Variants in WRAP73 observed in about 807,000 individuals in gnomAD.
WRAP73 encodes the protein WD repeat-containing protein WRAP73.
In WRAP73, 55 loss-of-function variants were observed where a neutral mutation model predicts 59.6. The ratio of observed to expected loss-of-function variants is 0.92; its 90% CI spans 0.74 to 1.15. The LOEUF (loss-of-function observed/expected upper bound fraction) is 1.15. WRAP73 is among the 50% of genes most tolerant of loss of function. The pLI is 0.00. For synonymous variants in WRAP73, 265 were observed against 258.2 expected (o/e 1.03, Z -0.25); for missense variants, 592 against 608.1 (o/e 0.97, Z 0.28).
chr1:3,631,535 A>T lies in WRAP73; in HGVS notation c.1171T>A (p.Cys391Ser). The change falls in exon 11 of 12, where the codon TGC becomes AGC. Residue 391 changes from cysteine (C) to serine (S), a missense_variant. By Grantham distance (112) the Cys-to-Ser change is moderately radical (BLOSUM62 -1). Coordinates refer to ENST00000270708, the MANE Select transcript of WRAP73 (RefSeq NM_017818.4). ...WDPQQPRLAICTGGSRLYLWS... is the reference protein window; with the variant it reads ...WDPQQPRLAISTGGSRLYLWS... ...AGGTAGAGCCTGCTGCCTCCCGTGCAGATGGCCAGCCGCGGCTGCTGCGGG... is the reference window on the plus strand; with the variant it reads ...AGGTAGAGCCTGCTGCCTCCCGTGCTGATGGCCAGCCGCGGCTGCTGCGGG... 6.2e-7 allele frequency: 1 copy of T among 1,610,994 alleles called. No individual in the cohort carries two copies. Among genetic ancestry groups the T allele is most frequent in the Non-Finnish European group, 8.5e-7 (1 of 1,179,280 alleles).
At chr1:3,636,728 C>T (rs1256186137) in intron 5 of WRAP73, 1 of 495,786 alleles carries the variant, frequency 2.0e-6, no homozygotes, top group Admixed American at 2.6e-5. Flanking sequence ...CATGCGCAAA[C>T]ACCATCACAC....
rs1482767614 is a variant in WRAP73 at position 3,647,519 on chromosome 1, G to C, written c.111C>G (p.Asn37Lys). 6.2e-7 allele frequency: 1 copy of C among 1,613,900 alleles called. No individual in the cohort carries two copies. The highest frequency in any genetic ancestry group is 1.1e-5 in the South Asian group (1 of 91,076). Residue 37 changes from asparagine (N) to lysine (K), a missense_variant, in exon 2 of 12, where the codon AAC becomes AAG. Transcript: ENST00000270708. The stretch of plus-strand genomic sequence containing the variant: ...TGTACAGCTGAAGGATCTGAAGGGT[G>C]TTCACATCCCGGACCACTAACCGGT... ...VQYRLVVRDV[N>K]TLQILQLYTC...
Position 3,631,671 on chromosome 1 carries a change from G to C in WRAP73, c.1049-14C>G. 1 of 1,581,592 alleles carries C rather than the reference G, an allele frequency of 6.3e-7. No individual in the cohort carries two copies. The highest frequency in any genetic ancestry group is 1.1e-5 in the South Asian group (1 of 88,896). Reference sequence around the variant, plus strand: ...TGGGAATGTTGTCTGAGGAAGGAAGGACAGGGCACCGGTGTCATCCCTGCC... The same window carrying C: ...TGGGAATGTTGTCTGAGGAAGGAAGCACAGGGCACCGGTGTCATCCCTGCC... On this transcript the variant is annotated splice_polypyrimidine_tract_variant and intron_variant, in intron 10 of 11. Coordinates refer to ENST00000270708, the MANE Select transcript of WRAP73 (RefSeq NM_017818.4).
rs1557453673 is a variant in WRAP73, at chr1:3,632,320, G to GAACACCT, written c.940_941insAGGTGTT (p.Pro314GlnfsTer28). ...AGGTTTCAGTGTCTGTAAGGAGACT[G>GAACACCT]GGACAGAGGCGATCTCATCTAGAAC... On this transcript the variant is annotated frameshift_variant, in exon 10 of 12. Transcript: ENST00000270708. LOFTEE classifies it high-confidence loss of function. 6.2e-7 allele frequency: 1 copy of GAACACCT among 1,614,176 alleles called. No individual in the cohort carries two copies. Among genetic ancestry groups the GAACACCT allele is most frequent in the East Asian group, 2.2e-5 (1 of 44,882 alleles).
In WRAP73 at chr1:3,630,834, C is replaced by T. The variant is rs923909045; in HGVS notation, c.*141G>A. ...TACAGTTTTATACCATACATATTTA[C>T]AAAAATGCTTTGCTATAGAAAAATA... On this transcript the variant is annotated 3_prime_UTR_variant, in exon 12 of 12. Coordinates refer to ENST00000270708, the MANE Select transcript of WRAP73 (RefSeq NM_017818.4). 8.8e-7 allele frequency: 1 copy of T among 1,133,590 alleles called. No individual in the cohort carries two copies. Among genetic ancestry groups the T allele is most frequent in the Non-Finnish European group, 1.2e-6 (1 of 801,588 alleles). The allele number at this position is 1,133,590 out of a possible 1,614,324, so 70.2% of individuals were successfully genotyped here.
Position 3,630,932 on chromosome 1 carries a change from AAC to A in WRAP73, c.*41_*42del, listed in dbSNP as rs555908343. The A allele has an allele frequency of 5.9e-4, 931 of 1,584,060 alleles. 11 individuals carry two copies. In the South Asian group the frequency reaches 9.6e-3, roughly 16 times the overall value. On this transcript the variant is annotated 3_prime_UTR_variant, in exon 12 of 12. Transcript: ENST00000270708. ...AAGCTGTGTTTTTTCCCACACTGGA[AAC>A]ACAGAGTAGCCCTGTTTCTGCACAC...
Position 3,630,865 on chromosome 1 carries a change from A to C in WRAP73, c.*110T>G, listed in dbSNP as rs1570287389. On this transcript the variant is annotated 3_prime_UTR_variant, in exon 12 of 12. Transcript: ENST00000270708. ...TGCTTTGCTATAGAAAAATAGAATC[A>C]ATCACTGAATCCAGACCACCACAGT... 6 of 1,389,814 alleles carry C rather than the reference A, an allele frequency of 4.3e-6. No homozygotes were observed. Among genetic ancestry groups the C allele is most frequent in the Non-Finnish European group, 5.8e-6 (6 of 1,027,868 alleles). 86.1% of individuals were successfully genotyped at this position (1,389,814 alleles called of 1,614,324 possible).
At chr1:3,634,778 C>A in intron 8 of WRAP73, 1 of 598,224 alleles carries the variant, frequency 1.7e-6, no homozygotes. Context: ...AGAGGACAGG[C>A]CAGGGCAAGG....
In WRAP73 at chr1:3,631,179, C is replaced by A. The variant is rs528972961; in HGVS notation, c.1241-62G>T. 8.7e-6 allele frequency: 14 copies of A among 1,604,260 alleles called. No individual in the cohort carries two copies. The East Asian group carries it at 2.7e-4, about 31-fold the overall frequency. ...GGAGGCCCAGATTCTGGGGGATGGGCACCCCCTTGTCCTGCAGGCCAGCAC... is the reference window on the plus strand; with the variant it reads ...GGAGGCCCAGATTCTGGGGGATGGGAACCCCCTTGTCCTGCAGGCCAGCAC... On this transcript the variant is annotated intron_variant, in intron 11 of 11. Transcript: ENST00000270708.
intron 3 of WRAP73, among the ~76,000 whole-genome samples, chr1:3,645,034 C>A (rs540130330): frequency 5.9e-5 from 9 of 152,194 alleles, no homozygotes; most frequent in Non-Finnish European, 1.2e-4. Context: ...ATACATAGTG[C>A]GGAGACATTG....
At chr1:3,631,138 A>G in intron 11 of WRAP73, 21 bp from the exon 12 acceptor site, 1 of 1,612,886 alleles carries the variant, frequency 6.2e-7, no homozygotes, top group Non-Finnish European at 8.5e-7. Flanking sequence ...ACAGGTGGCC[A>G]GAGGATTACA....
rs1644703327 is a variant in WRAP73, at chr1:3,647,509, T to C, written c.121A>G (p.Ile41Val). The C allele has an allele frequency of 6.2e-7, 1 of 1,613,744 alleles. No individual in the cohort carries two copies. The highest frequency in any genetic ancestry group is 1.3e-5 in the African/African-American group (1 of 74,866). ...TCTAGGCACGTGTACAGCTGAAGGATCTGAAGGGTGTTCACATCCCGGACC... is the reference window on the plus strand; with the variant it reads ...TCTAGGCACGTGTACAGCTGAAGGACCTGAAGGGTGTTCACATCCCGGACC... ...LVVRDVNTLQ[I>V]LQLYTCLDQI... is the part of the protein sequence containing the mutation. Residue 41 changes from isoleucine (I) to valine (V), a missense_variant, in exon 2 of 12, where the codon ATC becomes GTC. Ile to Val is a conservative substitution (Grantham distance 29, BLOSUM62 3). Transcript: ENST00000270708.
chr1:3,638,949 T>C, intron 3 of WRAP73, 127 bp from the exon 4 acceptor site: 2 of 932,588 alleles, frequency 2.1e-6, no homozygotes, highest in African/African-American at 3.3e-5. Context: ...TATCAGGACC[T>C]GGGGGATGCC....
rs764224987 is a variant in WRAP73 at position 3,635,276 on chromosome 1, A to G, written c.622T>C (p.Ser208Pro). 2.9e-5 allele frequency: 46 copies of G among 1,613,852 alleles called. No homozygotes were observed. In the Admixed American group the frequency reaches 7.7e-4, roughly 27 times the overall value. ...GTGGACAACAACCGGCCATCCAATG[A>G]GTACAGCAGAATCTTGTACTGCAGA... ...TCLEYKILLY[S>P]LDGRLLSTYS... The change falls in exon 7 of 12, where the codon TCA (serine) becomes CCA (proline). Residue 208 changes from serine (S) to proline (P), a missense_variant. By Grantham distance (74) the Ser-to-Pro change is moderately conservative. Coordinates refer to ENST00000270708, the MANE Select transcript of WRAP73 (RefSeq NM_017818.4).
intron 1 of WRAP73, 40 bp downstream of exon 1, chr1:3,649,891 C>G (rs746199054): frequency 3.5e-5 from 55 of 1,568,296 alleles, no homozygotes; most frequent in Non-Finnish European, 4.5e-5. Flanking sequence ...ACGCTGGCAC[C>G]GAGGATGTCC....
Position 3,630,965 on chromosome 1 carries a change from T to G in WRAP73, c.*10A>C, listed in dbSNP as rs1046926. The G allele has an allele frequency of 6.2e-7, 1 of 1,612,000 alleles. No homozygotes were observed. On this transcript the variant is annotated 3_prime_UTR_variant, in exon 12 of 12. Coordinates refer to ENST00000270708, the MANE Select transcript of WRAP73 (RefSeq NM_017818.4). Reference sequence around the variant, plus strand: ...GTAGCCCTGTTTCTGCACACGTTAGTGCACCGCTGCTACGTGTGGCCGCCC... The same window carrying G: ...GTAGCCCTGTTTCTGCACACGTTAGGGCACCGCTGCTACGTGTGGCCGCCC...
rs1644690497 is a variant in WRAP73 at position 3,646,263 on chromosome 1, CA to C, written c.339+402del. ...ATCTGGATACGCCAAAGAGAAGCCA[CA>C]AAGTGCTTCCTTTAAATGACGAGCT... On this transcript the variant is annotated intron_variant, in intron 3 of 11. Coordinates refer to ENST00000270708, the MANE Select transcript of WRAP73 (RefSeq NM_017818.4). This position sits in a 1 kb window ranked among gnomAD's most constrained non-coding sequence, Gnocchi z 5.1. 6.6e-6 allele frequency among the ~76,000 whole-genome samples: 1 copy of C among 152,200 alleles called. No homozygotes were observed. Among genetic ancestry groups the C allele is most frequent in the South Asian group, 2.1e-4 (1 of 4,834 alleles).
Position 3,646,745 on chromosome 1 carries a change from A to G in WRAP73, c.260T>C (p.Ile87Thr), listed in dbSNP as rs1246691064. ...CACCAGCCCGGCTGAGCCCTCGTCTATTTTGCAGTGCCATTCGGGCTGCTC... is the reference window on the plus strand; with the variant it reads ...CACCAGCCCGGCTGAGCCCTCGTCTGTTTTGCAGTGCCATTCGGGCTGCTC... The part of the protein sequence containing the change: ...SLEQPEWHCK[I>T]DEGSAGLVAS... The change falls in exon 3 of 12, where the codon ATA (isoleucine) becomes ACA (threonine). Residue 87 changes from isoleucine to threonine, a missense_variant. By Grantham distance (89) the Ile-to-Thr change is moderately conservative (BLOSUM62 -1). Transcript: ENST00000270708. This position sits in a 1 kb window ranked among gnomAD's most constrained non-coding sequence, Gnocchi z 5.1. The G allele has an allele frequency of 1.2e-6, 2 of 1,611,966 alleles. No homozygotes were observed. The highest frequency in any genetic ancestry group is 1.7e-6 in the Non-Finnish European group (2 of 1,178,678).
At chr1:3,649,853 C>G in intron 1 of WRAP73, 78 bp downstream of exon 1, 1 of 1,488,476 alleles carries the variant, frequency 6.7e-7, no homozygotes, top group South Asian at 1.2e-5. Flanking sequence ...TCCACCCACG[C>G]GGCCGCCCCC....
Sources: gnomAD v4.1 joint callset for allele counts (sites outside exome capture counted in the v4.1 genomes callset) on GRCh38, gnomAD v4.1.1 for gene constraint, Gnocchi (gnomAD v3.1) non-coding constraint, MANE v1.5 for transcripts, NCBI Gene and HGNC (gene_info 2026-07-23, HGNC 2026-07-21) for gene names.